Variants in NR0B2 observed in about 807,000 individuals in gnomAD.
NR0B2 encodes the protein nuclear receptor SHP.
A neutral mutation model predicts 18.9 loss-of-function variants in NR0B2; 17 were observed. That is an observed-to-expected ratio of 0.90 (90% CI 0.62 to 1.35). The LOEUF (loss-of-function observed/expected upper bound fraction) is 1.35, where lower values mean the gene tolerates loss of function less well. Ranked by LOEUF, NR0B2 falls within the 40% of genes most tolerant of loss-of-function variation. NR0B2 has a pLI of 0.00. For synonymous variants in NR0B2, 116 were observed against 138.5 expected (o/e 0.84, Z 1.14); for missense variants, 312 against 333.3 (o/e 0.94, Z 0.50).
Position 26,913,437 on chromosome 1 carries a change from G to A in NR0B2, c.504C>T (p.Cys168=). ...SLELSPKEYA[C]LKGTILFNPD... ...GGTTGAAGAGGATGGTCCCTTTCAG[G>A]CAGGCATATTCCTTGGGGCTAAGCT... Residue 168 remains cysteine, a synonymous_variant, in exon 1 of 2, where the codon TGC becomes TGT. Transcript: ENST00000254227. 6.2e-7 allele frequency: 1 copy of A among 1,614,116 alleles called. No individual in the cohort carries two copies. Among genetic ancestry groups the A allele is most frequent in the Non-Finnish European group, 8.5e-7 (1 of 1,180,024 alleles).
At position 26,911,546 on chromosome 1, in the gene NR0B2, G is replaced by T. The variant is rs889306750; in HGVS notation, c.*299C>A. 1.4e-5 allele frequency: 6 copies of T among 432,170 alleles called. No homozygotes were observed. Among genetic ancestry groups the T allele is most frequent in the Non-Finnish European group, 2.6e-5 (6 of 230,618 alleles). The allele number at this position is 432,170 out of a possible 1,614,324, so 26.8% of individuals were successfully genotyped here. A position where few individuals can be genotyped will look rare whatever the true frequency, so the allele number is the denominator to read the frequency against. Reference sequence around the variant, plus strand: ...ACTTAATTCAGTTCTGTATAAAGTCGATAGGACTTCTGGTCCAATAAGCAG... The same window carrying T: ...ACTTAATTCAGTTCTGTATAAAGTCTATAGGACTTCTGGTCCAATAAGCAG... On this transcript the variant is annotated 3_prime_UTR_variant, in exon 2 of 2. Transcript: ENST00000254227.
rs372581033 is a variant in NR0B2, at chr1:26,913,526, G to A, written c.415C>T (p.Pro139Ser). The change falls in exon 1 of 2, where the codon CCC becomes TCC. Residue 139 changes from proline to serine, a missense_variant. Pro to Ser is a moderately conservative substitution (Grantham distance 74). Coordinates refer to ENST00000254227, the MANE Select transcript of NR0B2 (RefSeq NM_021969.3). Reference protein sequence around the residue: ...SGGSGQLPDRPQPSLAAVQWL... With the variant: ...SGGSGQLPDRSQPSLAAVQWL... ...TGCACCGCAGCCAGGGAGGGCTGGG[G>A]TCTGTCTGGCAGTTGGCCACTGCCT... is the stretch of plus-strand genomic sequence containing the variant. 185 of 1,613,620 alleles carry A rather than the reference G, an allele frequency of 1.1e-4. No individual in the cohort carries two copies. The highest frequency in any genetic ancestry group is 3.3e-4 in the Middle Eastern group (2 of 6,056).
intron 1 of NR0B2, 61 bp downstream of exon 1, chr1:26,913,347 AC>A: frequency 1.4e-6 from 2 of 1,476,214 alleles, no homozygotes; most frequent in Non-Finnish European, 1.9e-6. Context: ...CTTAGAAGCT[AC>A]CTTCCCTGGC....
chr1:26,913,803 G>A lies in NR0B2; in HGVS notation c.138C>T (p.Pro46=), dbSNP rs370821222. The A allele has an allele frequency of 2.9e-5, 45 of 1,527,262 alleles. 1 individual carries two copies. The highest frequency in any genetic ancestry group is 3.6e-5 in the Non-Finnish European group (41 of 1,136,372). The allele number at this position is 1,527,262 out of a possible 1,614,324, so 94.6% of individuals were successfully genotyped here. ...RSRCLCRQHR[P]VQLCAPHRTC... ...TGCGATGAGGTGCACATAGCTGGAC[G>A]GGCCGGTGCTGCCTACATAGGCAGC... is the stretch of plus-strand genomic sequence containing the variant. Residue 46 remains proline, a synonymous_variant, in exon 1 of 2, where the codon CCC becomes CCT. Transcript: ENST00000254227.
chr1:26,913,603 G>C lies in NR0B2; in HGVS notation c.338C>G (p.Pro113Arg), dbSNP rs772208363. Residue 113 changes from proline (P) to arginine (R), a missense_variant, in exon 1 of 2, where the codon CCG (proline) becomes CGG (arginine). Transcript: ENST00000254227. ...DAVTFEVAEA[P>R]VPSILKKILL... is the part of the protein sequence containing the mutation. ...AATCTTCTTGAGTATGCTGGGCACC[G>C]GGGCCTCAGCCACCTCAAAGGTCAC... is the stretch of plus-strand genomic sequence containing the variant. 1 of 1,613,978 alleles carries C rather than the reference G, an allele frequency of 6.2e-7. No individual in the cohort carries two copies. The highest frequency in any genetic ancestry group is 8.5e-7 in the Non-Finnish European group (1 of 1,179,960).
chr1:26,911,683 C>T lies in NR0B2; in HGVS notation c.*162G>A. The T allele has an allele frequency of 3.7e-6, 3 of 821,284 alleles. No homozygotes were observed. Among genetic ancestry groups the T allele is most frequent in the Non-Finnish European group, 6.0e-6 (3 of 496,274 alleles). The allele number at this position is 821,284 out of a possible 1,614,324, so 50.9% of individuals were successfully genotyped here. Reference sequence around the variant, plus strand: ...AACACTGTGTCCAAACCAAGGAAGTCCAATGTGGGGTGTGGCTGAGTGAAG... The same window carrying T: ...AACACTGTGTCCAAACCAAGGAAGTTCAATGTGGGGTGTGGCTGAGTGAAG... On this transcript the variant is annotated 3_prime_UTR_variant, in exon 2 of 2. Transcript: ENST00000254227.
Position 26,911,500 on chromosome 1 carries a change from C to A in NR0B2, c.*345G>T. 2.8e-6 allele frequency: 1 copy of A among 352,982 alleles called. No individual in the cohort carries two copies. The highest frequency in any genetic ancestry group is 2.3e-5 in the South Asian group (1 of 43,352). 21.9% of individuals were successfully genotyped at this position (352,982 alleles called of 1,614,324 possible). A position where few individuals can be genotyped will look rare whatever the true frequency, so the allele number is the denominator to read the frequency against. ...GTATCAGGCTCCAAGTGTTTCATACCTTTTATTACAAAAATCAATAACTTA... is the reference window on the plus strand; with the variant it reads ...GTATCAGGCTCCAAGTGTTTCATACATTTTATTACAAAAATCAATAACTTA... On this transcript the variant is annotated 3_prime_UTR_variant, in exon 2 of 2. Transcript: ENST00000254227.
chr1:26,913,387 C>G (rs775579661), intron 1 of NR0B2, 22 bp downstream of exon 1: 1 of 1,613,526 alleles, frequency 6.2e-7, no homozygotes, highest in Non-Finnish European at 8.5e-7. Context: ...TGCCCCCCAC[C>G]CAGGAGTGTC....
Position 26,913,756 on chromosome 1 carries a change from A to C in NR0B2, c.185T>G (p.Val62Gly). 6.3e-7 allele frequency: 1 copy of C among 1,585,430 alleles called. No homozygotes were observed. The highest frequency in any genetic ancestry group is 8.6e-7 in the Non-Finnish European group (1 of 1,163,384). Reference protein sequence around the residue: ...PHRTCREALDVLAKTVAFLRN... With the variant: ...PHRTCREALDGLAKTVAFLRN... The stretch of plus-strand genomic sequence containing the variant: ...GAGGAAGGCCACTGTCTTGGCCAGA[A>C]CATCCAAGGCCTCCCGGCAGGTGCG... The change falls in exon 1 of 2, where the codon GTT becomes GGT. Residue 62 changes from valine to glycine, a missense_variant. Coordinates refer to ENST00000254227, the MANE Select transcript of NR0B2 (RefSeq NM_021969.3).
At chr1:26,912,150 C>G (rs2082031864) in intron 1 of NR0B2, 64 bp from the exon 2 acceptor site, 1 of 1,599,776 alleles carries the variant, frequency 6.3e-7, no homozygotes, top group Non-Finnish European at 8.5e-7. Flanking sequence ...AAGGACAAGA[C>G]TGGCCCAAGA....
rs1486987569 is a variant in NR0B2, at chr1:26,913,546, C to T, written c.395G>A (p.Ser132Asn). ...LLEEPSSSGG[S>N]GQLPDRPQPS... ...CTGGGGTCTGTCTGGCAGTTGGCCA[C>T]TGCCTCCACTGCTGCTGGGCTCCTC... The change falls in exon 1 of 2, where the codon AGT becomes AAT. Residue 132 changes from serine to asparagine, a missense_variant. Transcript: ENST00000254227. 1.2e-5 allele frequency: 20 copies of T among 1,614,054 alleles called. No individual in the cohort carries two copies. The highest frequency in any genetic ancestry group is 1.7e-5 in the Non-Finnish European group (20 of 1,179,938).
chr1:26,913,684 C>A lies in NR0B2; in HGVS notation c.257G>T (p.Arg86Leu), dbSNP rs370959977. Residue 86 changes from arginine (R) to leucine (L), a missense_variant, in exon 1 of 2, where the codon CGG becomes CTG. Arg to Leu is a moderately radical substitution (Grantham distance 102). Transcript: ENST00000254227. Reference sequence around the variant, plus strand: ...GGGGCCCCAGCAACCCTGCAGCAGCCGCCGCTGGTCCTGGGGAGGCAGCTG... The same window carrying A: ...GGGGCCCCAGCAACCCTGCAGCAGCAGCCGCTGGTCCTGGGGAGGCAGCTG... ...FWQLPPQDQRRLLQGCWGPLF... is the reference protein window; with the variant it reads ...FWQLPPQDQRLLLQGCWGPLF... 1.9e-6 allele frequency: 3 copies of A among 1,612,838 alleles called. No individual in the cohort carries two copies. The highest frequency in any genetic ancestry group is 1.1e-5 in the South Asian group (1 of 91,048).
intron 1 of NR0B2, 127 bp downstream of exon 1, chr1:26,913,281 TG>T (rs2082039081): frequency 1.1e-6 from 1 of 871,054 alleles, no homozygotes; most frequent in African/African-American, 1.7e-5. Flanking sequence ...AGTGAGACTC[TG>T]TCTCAGAAAA....
chr1:26,913,952 T>C lies in NR0B2; in HGVS notation c.-12A>G. 6.9e-7 allele frequency: 1 copy of C among 1,454,738 alleles called. No individual in the cohort carries two copies. Among genetic ancestry groups the C allele is most frequent in the Non-Finnish European group, 9.1e-7 (1 of 1,099,922 alleles). 90.1% of individuals were successfully genotyped at this position (1,454,738 alleles called of 1,614,324 possible). A position where few individuals can be genotyped will look rare whatever the true frequency, so the allele number is the denominator to read the frequency against. On this transcript the variant is annotated 5_prime_UTR_variant, in exon 1 of 2. Transcript: ENST00000254227. ...TGGCTGGTGCTCATGGTTAGGGATC[T>C]GCTCTCACTTCCAGCTCTCTGGCTC...
In NR0B2 at chr1:26,913,506, C is replaced by G. The variant is rs148569409; in HGVS notation, c.435G>C (p.Ala145=). The G allele has an allele frequency of 8.1e-6, 13 of 1,613,452 alleles. No homozygotes were observed. In the African/African-American group the frequency reaches 1.6e-4, roughly 20 times the overall value. Residue 145 remains alanine (A), a synonymous_variant, in exon 1 of 2, where the codon GCG becomes GCC. Coordinates refer to ENST00000254227, the MANE Select transcript of NR0B2 (RefSeq NM_021969.3). The part of the protein sequence containing the change: ...LPDRPQPSLA[A]VQWLQCCLES... ...CCAGACAGCATTGAAGCCACTGCAC[C>G]GCAGCCAGGGAGGGCTGGGGTCTGT...
rs1183790637 is a variant in NR0B2, at chr1:26,911,684, C to T, written c.*161G>A. ...ACACTGTGTCCAAACCAAGGAAGTC[C>T]AATGTGGGGTGTGGCTGAGTGAAGA... On this transcript the variant is annotated 3_prime_UTR_variant, in exon 2 of 2. Transcript: ENST00000254227. The T allele has an allele frequency of 1.7e-5, 14 of 824,868 alleles. No homozygotes were observed. In the Admixed American group the frequency reaches 2.7e-4, roughly 16 times the overall value. 51.1% of individuals were successfully genotyped at this position (824,868 alleles called of 1,614,324 possible). A position where few individuals can be genotyped will look rare whatever the true frequency, so the allele number is the denominator to read the frequency against.
In NR0B2 at chr1:26,911,770, C is replaced by T; in HGVS notation, c.*75G>A. On this transcript the variant is annotated 3_prime_UTR_variant, in exon 2 of 2. Transcript: ENST00000254227. Reference sequence around the variant, plus strand: ...CTTGCCCCCTCCAGGAGCATTGGGTCACCTCTGGGGATGGCCAGGCTGAAT... The same window carrying T: ...CTTGCCCCCTCCAGGAGCATTGGGTTACCTCTGGGGATGGCCAGGCTGAAT... 1.3e-6 allele frequency: 2 copies of T among 1,593,882 alleles called. No individual in the cohort carries two copies. Among genetic ancestry groups the T allele is most frequent in the East Asian group, 2.2e-5 (1 of 44,730 alleles).
chr1:26,913,283 T>C, intron 1 of NR0B2, 126 bp downstream of exon 1: 1 of 889,082 alleles, frequency 1.1e-6, no homozygotes, highest in Non-Finnish European at 1.8e-6. Context: ...TGAGACTCTG[T>C]CTCAGAAAAA....
chr1:26,912,804 G>T (rs1030711901), intron 1 of NR0B2, among the ~76,000 whole-genome samples: 4 of 152,100 alleles, frequency 2.6e-5, no homozygotes, highest in African/African-American at 9.7e-5. Context: ...AGCTGTGTCT[G>T]CCCACCCCAC....
Sources: gnomAD v4.1 joint callset for allele counts (sites outside exome capture counted in the v4.1 genomes callset) on GRCh38, gnomAD v4.1.1 for gene constraint, MANE v1.5 for transcripts, NCBI Gene and HGNC (gene_info 2026-07-23, HGNC 2026-07-21) for gene names.